PTPRD: variants seen among roughly 807,000 people sequenced by gnomAD.
PTPRD encodes protein tyrosine phosphatase receptor type D.
PTPRD carries 34 observed loss-of-function variants against 214.5 expected under a neutral mutation model. The observed-to-expected ratio is 0.16, with a 90% confidence interval of 0.12 to 0.21. PTPRD has a LOEUF of 0.21. PTPRD is among the 10% of genes least tolerant of loss of function. The probability of loss-of-function intolerance (pLI) is 1.00; values close to 1 mark genes in which losing one functional copy is unlikely to be tolerated. For missense variants in PTPRD, 2,545 were observed against 2,398.7 expected (o/e 1.06, Z -1.27); for synonymous variants, 1,128 against 845.7 (o/e 1.33, Z -5.79).
At chr9:9,713,447 G>T (rs1294532131) in intron 7 of PTPRD, among the ~76,000 whole-genome samples, 1 of 152,118 alleles carries the variant, frequency 6.6e-6, no homozygotes, top group Non-Finnish European at 1.5e-5. Flanking sequence ...TTTTGTCCTT[G>T]ATTACAATTA....
intron 2 of PTPRD, among the ~76,000 whole-genome samples, chr9:10,414,655 A>G (rs2098470138): frequency 6.6e-6 from 1 of 151,998 alleles, no homozygotes; most frequent in African/African-American, 2.4e-5. Context: ...TCATTGCAGC[A>G]CTATTCACAA....
chr9:8,498,465 A>G (rs1331489922), intron 25 of PTPRD, among the ~76,000 whole-genome samples: 11 of 152,014 alleles, frequency 7.2e-5, no homozygotes, highest in Non-Finnish European at 1.5e-4. Flanking sequence ...TTTAGTAGAG[A>G]TGGGGTTTCA....
At chr9:8,908,428 A>G (rs2098723314) in intron 11 of PTPRD, among the ~76,000 whole-genome samples, 1 of 152,182 alleles carries the variant, frequency 6.6e-6, no homozygotes. Context: ...ATAAGAAATC[A>G]ACAACAGAAA....
chr9:9,349,395 G>C (rs1361855658), intron 9 of PTPRD, among the ~76,000 whole-genome samples: 5 of 151,990 alleles, frequency 3.3e-5, no homozygotes, highest in Admixed American at 3.3e-4. Context: ...TATTTTGTCT[G>C]TCTAATACAG....
At position 9,565,326 on chromosome 9, in the gene PTPRD, CTA is replaced by C. The variant is rs547128428; in HGVS notation, c.-237+9404_-237+9405del. Among the ~76,000 whole-genome samples, 47 of 151,724 alleles carry C rather than the reference CTA, an allele frequency of 3.1e-4. No homozygotes were observed. In the South Asian group the frequency reaches 9.4e-3, roughly 30 times the overall value. ...GGTTTTTAAAATTAACATTTATAGA[CTA>C]TGTAGAAATGGAGATACACTTCTGA... On this transcript the variant is annotated intron_variant, in intron 8 of 45. Coordinates refer to ENST00000381196, the MANE Select transcript of PTPRD (RefSeq NM_002839.4).
chr9:9,349,941 G>T (rs1217602864), intron 9 of PTPRD, among the ~76,000 whole-genome samples: 1 of 152,060 alleles, frequency 6.6e-6, no homozygotes, highest in Non-Finnish European at 1.5e-5. Context: ...TTTCAGAGTA[G>T]AGGGGTATCC....
At chr9:10,347,768 G>C (rs537719521) in intron 2 of PTPRD, among the ~76,000 whole-genome samples, 1 of 151,830 alleles carries the variant, frequency 6.6e-6, no homozygotes, top group African/African-American at 2.4e-5. Context: ...ATTTTGAAAT[G>C]TACAATAGGC....
At chr9:9,921,468 T>C (rs2082517013) in intron 5 of PTPRD, among the ~76,000 whole-genome samples, 1 of 151,954 alleles carries the variant, frequency 6.6e-6, no homozygotes, top group African/African-American at 2.4e-5. Context: ...ATATAATTAA[T>C]TCTAGTAAAA....
At chr9:8,411,864 T>A (rs968871394) in intron 35 of PTPRD, among the ~76,000 whole-genome samples, 2 of 152,194 alleles carry the variant, frequency 1.3e-5, no homozygotes, top group African/African-American at 4.8e-5. Flanking sequence ...TTCTTAAGAA[T>A]AGAATGTGTC....
chr9:8,608,667 G>C (rs898506042), intron 14 of PTPRD, among the ~76,000 whole-genome samples: 2 of 152,118 alleles, frequency 1.3e-5, no homozygotes, highest in East Asian at 3.9e-4. Context: ...ACGGCGTTTA[G>C]TACATGAATA....
At chr9:9,244,777 T>G (rs1477183184) in intron 9 of PTPRD, among the ~76,000 whole-genome samples, 1 of 151,996 alleles carries the variant, frequency 6.6e-6, no homozygotes, top group African/African-American at 2.4e-5. Flanking sequence ...AAAGCCAAAA[T>G]TGACAAATGG....
chr9:9,331,361 G>A (rs12336384), intron 9 of PTPRD, among the ~76,000 whole-genome samples: 15,764 of 152,020 alleles, frequency 0.1, 1,049 homozygotes, highest in Non-Finnish European at 0.15. Flanking sequence ...ATGATTGCCT[G>A]GCTCATTCTT....
intron 2 of PTPRD, among the ~76,000 whole-genome samples, chr9:10,493,138 A>G (rs1205757056): frequency 6.6e-6 from 1 of 152,154 alleles, no homozygotes; most frequent in Non-Finnish European, 1.5e-5. Context: ...GCTTATGGAT[A>G]GGAATAATCA....
chr9:10,366,397 A>C (rs989204622), intron 2 of PTPRD, among the ~76,000 whole-genome samples: 2 of 152,160 alleles, frequency 1.3e-5, no homozygotes, highest in African/African-American at 4.8e-5. Flanking sequence ...CTCTGGTTTG[A>C]CATTTGCACT....
intron 11 of PTPRD, among the ~76,000 whole-genome samples, chr9:8,870,889 A>G (rs543329722): frequency 6.8e-4 from 104 of 152,228 alleles, no homozygotes; most frequent in African/African-American, 2.4e-3. Context: ...CGAACGGGAT[A>G]TTGGGAAAAG....
chr9:9,646,582 A>G (rs562296673), intron 7 of PTPRD, among the ~76,000 whole-genome samples: 1 of 152,174 alleles, frequency 6.6e-6, no homozygotes, highest in African/African-American at 2.4e-5. Flanking sequence ...AACAATTTTC[A>G]AAGGTATCAG....
chr9:8,770,300 A>G (rs2095104374), intron 11 of PTPRD, among the ~76,000 whole-genome samples: 1 of 151,990 alleles, frequency 6.6e-6, no homozygotes, highest in South Asian at 2.1e-4. Context: ...ATAAATAAAT[A>G]GAAAGAAAGA....
intron 5 of PTPRD, among the ~76,000 whole-genome samples, chr9:9,917,508 A>G (rs963298521): frequency 1.7e-4 from 25 of 150,896 alleles, no homozygotes; most frequent in East Asian, 5.8e-4. Flanking sequence ...GAATTCTACC[A>G]TATCTTTAGA....
intron 6 of PTPRD, among the ~76,000 whole-genome samples, chr9:9,758,865 TAATC>T (rs1347321042): frequency 6.7e-6 from 1 of 149,798 alleles, no homozygotes; most frequent in African/African-American, 2.5e-5. Flanking sequence ...AGATTTAAAA[TAATC>T]AAAACTAATT....
Sources: allele counts gnomAD v4.1 joint callset (sites outside exome capture counted in the v4.1 genomes callset), GRCh38; gene constraint gnomAD v4.1.1; transcripts MANE v1.5; gene names NCBI Gene and HGNC (gene_info 2026-07-23, HGNC 2026-07-21).